The following EBAG9 variants were observed in gnomAD, a reference collection of about 807,000 sequenced individuals.
The protein encoded by EBAG9 is estrogen receptor binding site associated antigen 9.
Under a neutral mutation model 30.9 loss-of-function variants are expected in EBAG9, and 16 were observed. The ratio of observed to expected loss-of-function variants is 0.52; its 90% CI spans 0.35 to 0.79. The LOEUF is 0.79. Among genes scored for constraint, EBAG9 ranks in the 30% least tolerant of loss-of-function variants. The probability of loss-of-function intolerance (pLI) is 0.01; values close to 1 mark genes in which losing one functional copy is unlikely to be tolerated. For synonymous variants in EBAG9, 93 were observed against 82.8 expected (o/e 1.12, Z -0.67); for missense variants, 197 against 242.1 (o/e 0.81, Z 1.24).
chr8:109,546,368 C>T (rs1821384332), intron 1 of EBAG9, among the ~76,000 whole-genome samples: 1 of 152,144 alleles, frequency 6.6e-6, no homozygotes, highest in Admixed American at 6.5e-5. Context: ...TATACACTCA[C>T]CTATGAAACC....
At chr8:109,557,672 T>G (rs1190835615) in intron 5 of EBAG9, 1 of 455,968 alleles carries the variant, frequency 2.2e-6, no homozygotes, top group South Asian at 1.5e-5. Context: ...TTCTGTGGAT[T>G]GGGAATCCAG....
In EBAG9 at chr8:109,564,527, GA is replaced by G. The variant is rs1276327067; in HGVS notation, c.612del (p.Glu204AspfsTer7). The G allele has an allele frequency of 6.2e-7, 1 of 1,612,436 alleles. No individual in the cohort carries two copies. The highest frequency in any genetic ancestry group is 8.5e-7 in the Non-Finnish European group (1 of 1,178,874). On this transcript the variant is annotated frameshift_variant, in exon 7 of 7. Transcript: ENST00000337573. LOFTEE classifies it high-confidence loss of function. ...GGAAGCACAACGGCTAATGAAGAAGGAACAAAACAAAATTGGTGTGAAACTT... is the reference window on the plus strand; with the variant it reads ...GGAAGCACAACGGCTAATGAAGAAGGACAAAACAAAATTGGTGTGAAACTT... ...EKEAQRLMKK[E>X]QNKIGVKLS is the part of the protein sequence containing the mutation.
rs1821783746 is a variant in EBAG9, at chr8:109,564,715, T to G, written c.*156T>G. 1 of 1,057,216 alleles carries G rather than the reference T, an allele frequency of 9.5e-7. No individual in the cohort carries two copies. The highest frequency in any genetic ancestry group is 1.6e-5 in the African/African-American group (1 of 61,694). The allele number at this position is 1,057,216 out of a possible 1,614,324, so 65.5% of individuals were successfully genotyped here. A position where few individuals can be genotyped will look rare whatever the true frequency, so the allele number is the denominator to read the frequency against. ...GACACCACGATTCTCCCAAAGTACC[T>G]TGAACTCTTAGTGATTGAGACTCAA... On this transcript the variant is annotated 3_prime_UTR_variant, in exon 7 of 7. Transcript: ENST00000337573.
chr8:109,544,033 T>TAA (rs11337681), intron 1 of EBAG9, among the ~76,000 whole-genome samples: 5 of 125,884 alleles, frequency 4.0e-5, no homozygotes, highest in South Asian at 2.5e-4. Flanking sequence ...CTATCTCAAT[T>TAA]AAAAAAAAAA....
intron 1 of EBAG9, among the ~76,000 whole-genome samples, chr8:109,548,328 A>G (rs879038586): frequency 1.3e-5 from 2 of 151,588 alleles, no homozygotes; most frequent in Admixed American, 1.3e-4. Context: ...CTATTCCTTT[A>G]CTTTCCATTG....
intron 1 of EBAG9, among the ~76,000 whole-genome samples, chr8:109,544,811 G>A (rs868300280): frequency 3.3e-5 from 5 of 152,004 alleles, no homozygotes; most frequent in East Asian, 1.9e-4. Context: ...TCCCTCTTTC[G>A]TGTGTATTTT....
upstream of EBAG9, chr8:109,539,787 G>C (rs968219315): frequency 6.6e-6 from 1 of 152,210 alleles, no homozygotes; most frequent in Non-Finnish European, 1.5e-5. Flanking sequence ...TTGAATGAGC[G>C]GGGCTGGGAG....
intron 1 of EBAG9, among the ~76,000 whole-genome samples, chr8:109,549,687 A>G (rs769352781): frequency 8.5e-5 from 13 of 152,078 alleles, no homozygotes; most frequent in South Asian, 2.1e-4. Context: ...TCCTTTTAAT[A>G]TCTGCAGACT....
chr8:109,560,246 A>G (rs1165432792), intron 5 of EBAG9, among the ~76,000 whole-genome samples: 1 of 152,190 alleles, frequency 6.6e-6, no homozygotes, highest in Non-Finnish European at 1.5e-5. Context: ...GGTAAGAAAG[A>G]CTGGGAAAAG....
At chr8:109,543,166 T>TA (rs71305957) in intron 1 of EBAG9, among the ~76,000 whole-genome samples, 1 of 143,720 alleles carries the variant, frequency 7.0e-6, no homozygotes, top group Non-Finnish European at 1.5e-5. Flanking sequence ...TTTTTTTTTT[T>TA]AACAGTCACT....
At chr8:109,562,735 G>A (rs1406259474) in intron 6 of EBAG9, among the ~76,000 whole-genome samples, 2 of 151,788 alleles carry the variant, frequency 1.3e-5, no homozygotes, top group Admixed American at 6.6e-5. Flanking sequence ...CTTGGGACCA[G>A]AAGTGTTTCA....
chr8:109,555,552 C>T (rs556625704), intron 4 of EBAG9, among the ~76,000 whole-genome samples: 6 of 152,216 alleles, frequency 3.9e-5, no homozygotes, highest in Non-Finnish European at 8.8e-5. Flanking sequence ...CCAGTCTCTG[C>T]CATGGAGACT....
rs557388998 is a variant in EBAG9 at position 109,543,135 on chromosome 8, C to CTTTTTT, written c.-16+2700_-16+2705dup. Among the ~76,000 whole-genome samples the CTTTTTT allele has an allele frequency of 2.0e-3, 104 of 52,850 alleles. 11 individuals are homozygous for CTTTTTT. Among genetic ancestry groups the CTTTTTT allele is most frequent in the East Asian group, 5.4e-3 (5 of 926 alleles). The allele number at this position is 52,850 out of a possible 152,430, so 34.7% of individuals were successfully genotyped here. On this transcript the variant is annotated intron_variant, in intron 1 of 6. Coordinates refer to ENST00000337573, the MANE Select transcript of EBAG9 (RefSeq NM_004215.5). Reference sequence around the variant, plus strand: ...GAGTACAATTTTTAATATTCTGGTTCTTTTTTTTTTTTTTTTTTTTTTTTT... The same window carrying CTTTTTT: ...GAGTACAATTTTTAATATTCTGGTTCTTTTTTTTTTTTTTTTTTTTTTTTTTTTTTT...
At chr8:109,558,583 A>G (rs1821649465) in intron 5 of EBAG9, among the ~76,000 whole-genome samples, 1 of 152,102 alleles carries the variant, frequency 6.6e-6, no homozygotes, top group African/African-American at 2.4e-5. Context: ...TAAAGTTTTA[A>G]ATATACAACT....
At chr8:109,543,928 G>A (rs1037213089) in intron 1 of EBAG9, among the ~76,000 whole-genome samples, 4 of 151,786 alleles carry the variant, frequency 2.6e-5, no homozygotes, top group Non-Finnish European at 5.9e-5. Flanking sequence ...TTTGGGGGTG[G>A]CTGAGGCACG....
chr8:109,543,267 A>G (rs1009269513), intron 1 of EBAG9, among the ~76,000 whole-genome samples: 1 of 148,978 alleles, frequency 6.7e-6, no homozygotes, highest in Non-Finnish European at 1.5e-5. Context: ...CTCCATATGT[A>G]CAAAACTACT....
chr8:109,555,489 A>G (rs1037663482), intron 4 of EBAG9, among the ~76,000 whole-genome samples: 4 of 152,204 alleles, frequency 2.6e-5, no homozygotes, highest in Non-Finnish European at 5.9e-5. Flanking sequence ...CAAGTCTTTT[A>G]AAATTATATT....
In EBAG9 at chr8:109,564,744, A is replaced by G. The variant is rs1273795486; in HGVS notation, c.*185A>G. 12 of 664,166 alleles carry G rather than the reference A, an allele frequency of 1.8e-5. No individual in the cohort carries two copies. The highest frequency in any genetic ancestry group is 2.6e-5 in the Non-Finnish European group (11 of 424,940). 41.1% of individuals were successfully genotyped at this position (664,166 alleles called of 1,614,324 possible). On this transcript the variant is annotated 3_prime_UTR_variant, in exon 7 of 7. Transcript: ENST00000337573. ...ACTCTTAGTGATTGAGACTCAAAAA[A>G]ACAAAAAAGACTTGAGACAATGTTT... is the stretch of plus-strand genomic sequence containing the variant.
chr8:109,557,282 T>A (rs929645550), intron 5 of EBAG9, among the ~76,000 whole-genome samples: 2 of 152,202 alleles, frequency 1.3e-5, no homozygotes, highest in Non-Finnish European at 2.9e-5. Flanking sequence ...AGAGATACAA[T>A]GTTATTTAAA....
Sources: gnomAD v4.1 joint callset for allele counts (sites outside exome capture counted in the v4.1 genomes callset) on GRCh38, gnomAD v4.1.1 for gene constraint, MANE v1.5 for transcripts, NCBI Gene and HGNC (gene_info 2026-07-23, HGNC 2026-07-21) for gene names.